Variants in TENM4 observed in about 807,000 individuals in gnomAD.
TENM4 encodes the protein teneurin-4.
A neutral mutation model predicts 243.3 loss-of-function variants in TENM4; 82 were observed. That is an observed-to-expected ratio of 0.34 (90% confidence interval 0.28 to 0.40). The LOEUF (loss-of-function observed/expected upper bound fraction) is 0.40, where lower values mean the gene tolerates loss of function less well. Ranked by LOEUF, TENM4 falls within the 10% of genes least tolerant of loss-of-function variation. TENM4 has a pLI of 1.00. For missense variants in TENM4, 3,138 were observed against 3,673.3 expected, an observed-to-expected ratio of 0.85 and a Z score of 3.77; for synonymous variants, 1,412 against 1,456.3, an observed-to-expected ratio of 0.97 and a Z score of 0.69.
chr11:78,873,617 G>T (rs1859192575), intron 9 of TENM4, among the ~76,000 whole-genome samples: 1 of 152,052 alleles, frequency 6.6e-6, no homozygotes, highest in South Asian at 2.1e-4. Context: ...GTCAAAAATG[G>T]AAAACAAAAA....
intron 6 of TENM4, among the ~76,000 whole-genome samples, chr11:78,930,907 T>G (rs1856654463): frequency 6.6e-6 from 1 of 152,198 alleles, no homozygotes; most frequent in Admixed American, 6.5e-5. Context: ...GGTCATCTTT[T>G]GGGCCCAGAC....
In TENM4 at chr11:78,741,192, T is replaced by C. The variant is rs1174863686; in HGVS notation, c.2757-2622A>G. ...AATTGTGTCTTGTGCCACATGCATT[T>C]GTCCTGGGAGGTTTGAAAAGATGTG... On this transcript the variant is annotated intron_variant, in intron 19 of 33. Transcript: ENST00000278550. 3.3e-5 allele frequency among the ~76,000 whole-genome samples: 5 copies of C among 152,292 alleles called. No homozygotes were observed. The East Asian group carries it at 9.7e-4, about 29-fold the overall frequency.
rs533948783 is a variant in TENM4 at position 79,095,490 on chromosome 11, G to C, written c.-65-25481C>G. Among the ~76,000 whole-genome samples the C allele has an allele frequency of 6.6e-5, 10 of 152,302 alleles. No individual in the cohort carries two copies. The South Asian group carries it at 1.9e-3, about 28-fold the overall frequency. ...CTTCCATAGCCCTAATGAGTGATGAGAGGACACTGCATTATCTGCCCTGGG... is the reference window on the plus strand; with the variant it reads ...CTTCCATAGCCCTAATGAGTGATGACAGGACACTGCATTATCTGCCCTGGG... On this transcript the variant is annotated intron_variant, in intron 4 of 33. Coordinates refer to ENST00000278550, the MANE Select transcript of TENM4 (RefSeq NM_001098816.3).
At chr11:79,359,484 A>G (rs1334452829) in intron 1 of TENM4, among the ~76,000 whole-genome samples, 2 of 152,356 alleles carry the variant, frequency 1.3e-5, no homozygotes, top group African/African-American at 4.8e-5. Context: ...TCCAATGACC[A>G]GATATTGATC....
chr11:79,127,404 C>A (rs1861902965), intron 4 of TENM4, among the ~76,000 whole-genome samples: 1 of 151,962 alleles, frequency 6.6e-6, no homozygotes. Flanking sequence ...TAAACTTAAC[C>A]AAGTAGTGAC....
intron 26 of TENM4, among the ~76,000 whole-genome samples, chr11:78,708,984 T>TTTTTTTTTTTTTTTA (rs59432159): frequency 6.9e-6 from 1 of 145,258 alleles, no homozygotes; most frequent in African/African-American, 2.7e-5. Context: ...TTTTTTTTTT[T>TTTTTTTTTTTTTTTA]AAAAAAAGAG....
intron 1 of TENM4, among the ~76,000 whole-genome samples, chr11:79,315,523 C>G (rs770727538): frequency 2.6e-5 from 4 of 152,184 alleles, no homozygotes; most frequent in Non-Finnish European, 5.9e-5. Context: ...TGCCTCCTGT[C>G]CATGGTGCTG....
chr11:79,239,733 C>A (rs986749161), intron 2 of TENM4, among the ~76,000 whole-genome samples: 11 of 152,156 alleles, frequency 7.2e-5, no homozygotes, highest in African/African-American at 2.7e-4. Context: ...GGGCACTCTG[C>A]GGAGTGTTCT....
Position 79,326,719 on chromosome 11 carries a change from T to A in TENM4, c.-320-29176A>T, listed in dbSNP as rs1259182230. ...AACCATGAAGCTTGGTGTTCCACAC[T>A]CAGTTCCCATTTAACTGAGTCTCTT... On this transcript the variant is annotated intron_variant, in intron 1 of 33. Coordinates refer to ENST00000278550, the MANE Select transcript of TENM4 (RefSeq NM_001098816.3). Among the ~76,000 whole-genome samples the A allele has an allele frequency of 3.9e-5, 6 of 152,176 alleles. No individual in the cohort carries two copies. In the East Asian group the frequency reaches 1.2e-3, roughly 29 times the overall value.
intron 6 of TENM4, among the ~76,000 whole-genome samples, chr11:78,912,430 T>G (rs1056894580): frequency 2.0e-5 from 3 of 152,144 alleles, no homozygotes; most frequent in Non-Finnish European, 4.4e-5. Context: ...AATTTTTAAA[T>G]TTTTTTAGTA....
chr11:79,123,889 G>C (rs1861802154), intron 4 of TENM4, among the ~76,000 whole-genome samples: 1 of 152,162 alleles, frequency 6.6e-6, no homozygotes, highest in Admixed American at 6.5e-5. Flanking sequence ...TAGTGTGCTA[G>C]TGGCCCTGAG....
At chr11:78,782,324 G>A (rs934510447) in intron 16 of TENM4, among the ~76,000 whole-genome samples, 5 of 152,156 alleles carry the variant, frequency 3.3e-5, no homozygotes, top group Admixed American at 6.5e-5. Context: ...TAGGCCAGGC[G>A]TGGTGGCTTA....
chr11:78,748,175 T>C (rs1283724577), intron 19 of TENM4, among the ~76,000 whole-genome samples: 2 of 152,244 alleles, frequency 1.3e-5, no homozygotes, highest in African/African-American at 2.4e-5. Context: ...AATGCTAATA[T>C]TAACATTACT....
intron 3 of TENM4, among the ~76,000 whole-genome samples, chr11:79,158,220 TA>T (rs1862663477): frequency 6.6e-6 from 1 of 152,192 alleles, no homozygotes; most frequent in Non-Finnish European, 1.5e-5. Flanking sequence ...TTTCCACAAA[TA>T]AAAAATACTC....
chr11:79,229,660 T>C (rs1265300274), intron 2 of TENM4, among the ~76,000 whole-genome samples: 2 of 152,206 alleles, frequency 1.3e-5, no homozygotes, highest in Non-Finnish European at 2.9e-5. Context: ...TTGGACATTG[T>C]ATGTTCATTA....
At chr11:79,422,248 TAC>T (rs36083983) in intron 1 of TENM4, 26,695 of 142,318 alleles carry the variant, frequency 0.19, 2,517 homozygotes, top group East Asian at 0.36. Flanking sequence ...ACATGGTTCT[TAC>T]ACACACACAC....
At chr11:79,262,767 C>T (rs1408824800) in intron 2 of TENM4, among the ~76,000 whole-genome samples, 3 of 152,194 alleles carry the variant, frequency 2.0e-5, no homozygotes, top group South Asian at 2.1e-4. Context: ...ATCCTAGACA[C>T]ATTTCTTAAT....
At chr11:78,779,859 C>A (rs1856808191) in intron 16 of TENM4, among the ~76,000 whole-genome samples, 3 of 152,164 alleles carry the variant, frequency 2.0e-5, no homozygotes, top group Admixed American at 2.0e-4. Context: ...CATAAAAAAC[C>A]ATAAATTATA....
chr11:79,288,210 C>G (rs896018653), intron 2 of TENM4, among the ~76,000 whole-genome samples: 53 of 152,362 alleles, frequency 3.5e-4, no homozygotes, highest in African/African-American at 1.3e-3. Context: ...CATAACCAGC[C>G]CTTTACTTGG....
Sources: allele counts gnomAD v4.1 joint callset (sites outside exome capture counted in the v4.1 genomes callset), GRCh38; gene constraint gnomAD v4.1.1; transcripts MANE v1.5; gene names NCBI Gene and HGNC (gene_info 2026-07-23, HGNC 2026-07-21).